The following MAGI2 variants were observed in gnomAD, a reference collection of about 807,000 sequenced individuals.
The protein encoded by MAGI2 is membrane-associated guanylate kinase, WW and PDZ domain-containing protein 2.
MAGI2 carries 35 observed loss-of-function variants against 133.3 expected under a neutral mutation model. That is an observed-to-expected ratio of 0.26 (90% CI 0.20 to 0.35). The LOEUF is 0.35. Ranked by LOEUF, MAGI2 falls within the 10% of genes least tolerant of loss-of-function variation. MAGI2 has a pLI of 1.00. For synonymous variants in MAGI2, 729 were observed against 710.6 expected (o/e 1.03, Z -0.41); for missense variants, 1,636 against 1,863.4 (o/e 0.88, Z 2.25).
At chr7:78,446,529 C>T (rs538031743) in intron 6 of MAGI2, among the ~76,000 whole-genome samples, 3 of 152,140 alleles carry the variant, frequency 2.0e-5, no homozygotes, top group African/African-American at 7.2e-5. Flanking sequence ...AAAATGGATA[C>T]ATCATCAGGC....
chr7:79,152,182 A>T (rs1208594410), intron 1 of MAGI2, among the ~76,000 whole-genome samples: 1 of 152,192 alleles, frequency 6.6e-6, no homozygotes, highest in Non-Finnish European at 1.5e-5. Context: ...GTGTAAGTAA[A>T]ATACTCCTAA....
intron 2 of MAGI2, among the ~76,000 whole-genome samples, chr7:78,872,488 T>G (rs1795111068): frequency 6.6e-6 from 1 of 152,110 alleles, no homozygotes; most frequent in South Asian, 2.1e-4. Context: ...AGTTAGTAAT[T>G]AAAACATTCT....
intron 21 of MAGI2, among the ~76,000 whole-genome samples, chr7:78,068,314 C>T (rs887020292): frequency 2.0e-5 from 3 of 152,164 alleles, no homozygotes; most frequent in Non-Finnish European, 1.5e-5. Flanking sequence ...GCCCACTGCT[C>T]ACCTCCTGCT....
intron 9 of MAGI2, among the ~76,000 whole-genome samples, chr7:78,340,221 CT>C (rs369515448): frequency 3.3e-5 from 5 of 152,108 alleles, no homozygotes; most frequent in African/African-American, 1.2e-4. Context: ...GAGTATATTC[CT>C]TTAGAGATAT....
chr7:78,044,687 G>A (rs1811216546), intron 21 of MAGI2, among the ~76,000 whole-genome samples: 1 of 107,758 alleles, frequency 9.3e-6, no homozygotes, highest in South Asian at 2.6e-4. Context: ...CCGTGTGTGT[G>A]TGTGTGTGTG....
intron 2 of MAGI2, among the ~76,000 whole-genome samples, chr7:78,721,886 C>A (rs1435631931): frequency 6.6e-6 from 1 of 151,732 alleles, no homozygotes; most frequent in Non-Finnish European, 1.5e-5. Context: ...CATTTAGACT[C>A]AGAAAATTTA....
chr7:78,195,199 T>C (rs892268713), intron 11 of MAGI2, 136 bp from the exon 12 acceptor site: 3 of 619,236 alleles, frequency 4.8e-6, no homozygotes, highest in Non-Finnish European at 8.1e-6. Flanking sequence ...ATAAATTCCT[T>C]GAAAGAAAAG....
intron 1 of MAGI2, among the ~76,000 whole-genome samples, chr7:79,246,246 C>G (rs1438800152): frequency 1.3e-5 from 2 of 152,098 alleles, no homozygotes; most frequent in Non-Finnish European, 2.9e-5. Flanking sequence ...CAGACAACAA[C>G]GAATATCCAC....
intron 3 of MAGI2, among the ~76,000 whole-genome samples, chr7:78,569,897 G>A (rs1468861259): frequency 3.9e-5 from 6 of 152,118 alleles, no homozygotes; most frequent in East Asian, 1.9e-4. Context: ...TATCCAGTAC[G>A]TAATCTTTTT....
intron 1 of MAGI2, among the ~76,000 whole-genome samples, chr7:79,202,307 C>T (rs1392449133): frequency 6.6e-6 from 1 of 151,752 alleles, no homozygotes; most frequent in Non-Finnish European, 1.5e-5. Context: ...CCCAATATGG[C>T]CTTTAAGGTA....
chr7:78,970,419 A>G (rs144513515), intron 2 of MAGI2, among the ~76,000 whole-genome samples: 5 of 152,186 alleles, frequency 3.3e-5, no homozygotes, highest in African/African-American at 1.2e-4. Context: ...GCAGAATCAT[A>G]AAGTCATTCT....
chr7:78,277,745 C>G (rs1023451555), intron 9 of MAGI2, among the ~76,000 whole-genome samples: 1 of 152,090 alleles, frequency 6.6e-6, no homozygotes, highest in Admixed American at 6.6e-5. Flanking sequence ...AGTGGGTATA[C>G]CCCAGGAATA....
chr7:78,415,887 A>G (rs1798252489), intron 6 of MAGI2, among the ~76,000 whole-genome samples: 1 of 152,134 alleles, frequency 6.6e-6, no homozygotes, highest in Non-Finnish European at 1.5e-5. Flanking sequence ...TCATCTTTGC[A>G]GCTGGGACAC....
intron 10 of MAGI2, among the ~76,000 whole-genome samples, chr7:78,228,654 T>C: frequency 6.6e-6 from 1 of 152,224 alleles, no homozygotes; most frequent in East Asian, 1.9e-4. Flanking sequence ...TTAAAATACT[T>C]GTTATTGAGA....
rs115549741 is a variant in MAGI2, at chr7:78,411,995, C to A, written c.1046-42782G>T. Among the ~76,000 whole-genome samples, 1,016 of 152,072 alleles carry A rather than the reference C, an allele frequency of 6.7e-3. 9 individuals carry two copies. The highest frequency in any genetic ancestry group is 0.023 in the African/African-American group (935 of 41,524). ...GGCTTTGGCAATTTAAAACTGTTTT[C>A]TTTATTGTAATAAAATCTTACATTA... On this transcript the variant is annotated intron_variant, in intron 6 of 21. Coordinates refer to ENST00000354212, the MANE Select transcript of MAGI2 (RefSeq NM_012301.4).
At chr7:79,024,376 A>G (rs1190922959) in intron 1 of MAGI2, among the ~76,000 whole-genome samples, 1 of 152,130 alleles carries the variant, frequency 6.6e-6, no homozygotes, top group African/African-American at 2.4e-5. Flanking sequence ...AAACTATAAA[A>G]ACCCTGAATG....
At chr7:78,869,493 T>C (rs1308018123) in intron 2 of MAGI2, among the ~76,000 whole-genome samples, 2 of 152,152 alleles carry the variant, frequency 1.3e-5, no homozygotes, top group East Asian at 1.9e-4. Flanking sequence ...TCTGTATTAG[T>C]ATGTTTTCAC....
intron 1 of MAGI2, among the ~76,000 whole-genome samples, chr7:79,031,428 C>G (rs538049951): frequency 9.2e-5 from 14 of 152,170 alleles, no homozygotes; most frequent in Admixed American, 2.6e-4. Flanking sequence ...GACTATAAAC[C>G]TCTCATATAC....
intron 10 of MAGI2, among the ~76,000 whole-genome samples, chr7:78,229,620 G>A (rs1170271834): frequency 6.6e-6 from 1 of 152,238 alleles, no homozygotes; most frequent in Non-Finnish European, 1.5e-5. Flanking sequence ...CTGTGTGACA[G>A]CTCTGGATCA....
Sources: allele counts gnomAD v4.1 joint callset (sites outside exome capture counted in the v4.1 genomes callset), GRCh38; gene constraint gnomAD v4.1.1; transcripts MANE v1.5; gene names NCBI Gene and HGNC (gene_info 2026-07-23, HGNC 2026-07-21).